CSMD1: variants seen among roughly 807,000 people sequenced by gnomAD.
CSMD1 encodes the protein CUB and sushi domain-containing protein 1.
A neutral mutation model predicts 417.5 loss-of-function variants in CSMD1; 213 were observed. The observed-to-expected ratio is 0.51, with a 90% CI of 0.46 to 0.57. The LOEUF is 0.57. Ranked by LOEUF, CSMD1 falls within the 20% of genes least tolerant of loss-of-function variation. The pLI is 0.00. For missense variants in CSMD1, 6,923 were observed against 4,529.7 expected (o/e 1.53, Z -15.17); for synonymous variants, 2,862 against 1,736.8 (o/e 1.65, Z -16.11).
At chr8:4,912,747 T>G (rs1805779709) in intron 1 of CSMD1, among the ~76,000 whole-genome samples, 1 of 152,136 alleles carries the variant, frequency 6.6e-6, no homozygotes, top group South Asian at 2.1e-4. Flanking sequence ...GTTTGAAATT[T>G]TGGAGGCCAA....
intron 6 of CSMD1, among the ~76,000 whole-genome samples, chr8:3,726,335 T>C (rs1169716604): frequency 1.3e-5 from 2 of 152,168 alleles, no homozygotes; most frequent in East Asian, 1.9e-4. Flanking sequence ...CAATAATAAT[T>C]CCGGTAATTT....
At chr8:3,190,965 G>T (rs1796384295) in intron 33 of CSMD1, among the ~76,000 whole-genome samples, 1 of 152,146 alleles carries the variant, frequency 6.6e-6, no homozygotes, top group African/African-American at 2.4e-5. Context: ...CTGGGGGCTG[G>T]GGAACAGGAA....
chr8:4,747,624 G>C (rs74692337), intron 1 of CSMD1, among the ~76,000 whole-genome samples: 2 of 152,132 alleles, frequency 1.3e-5, no homozygotes, highest in Non-Finnish European at 2.9e-5. Context: ...TCTGGAGTTA[G>C]CATCATTATC....
chr8:3,097,160 C>A, intron 46 of CSMD1, 123 bp from the exon 47 acceptor site: 2 of 663,620 alleles, frequency 3.0e-6, no homozygotes, highest in Non-Finnish European at 4.9e-6. Context: ...GAGCTCTGGC[C>A]AAATTTAATA....
intron 2 of CSMD1, among the ~76,000 whole-genome samples, chr8:4,557,496 T>A (rs1355660827): frequency 6.6e-6 from 1 of 151,944 alleles, no homozygotes; most frequent in Admixed American, 6.6e-5. Context: ...TTTAAATGAC[T>A]GAAGAAATAT....
intron 3 of CSMD1, among the ~76,000 whole-genome samples, chr8:4,413,016 A>T (rs1281682215): frequency 6.6e-6 from 1 of 152,220 alleles, no homozygotes; most frequent in Non-Finnish European, 1.5e-5. Context: ...GACAACTTGA[A>T]GTCTATACAA....
intron 10 of CSMD1, among the ~76,000 whole-genome samples, chr8:3,537,657 CAA>C (rs777575146): frequency 1.1e-4 from 16 of 152,120 alleles, no homozygotes; most frequent in Non-Finnish European, 1.6e-4. Flanking sequence ...TTATTTCAGG[CAA>C]ATTACATATA....
intron 5 of CSMD1, among the ~76,000 whole-genome samples, chr8:3,891,687 C>T (rs984399443): frequency 5.3e-5 from 5 of 93,910 alleles, no homozygotes; most frequent in East Asian, 3.7e-4. Flanking sequence ...TGTCTCAAAA[C>T]GAAAAAAAAA....
chr8:3,045,020 T>C (rs1811341176), intron 50 of CSMD1, among the ~76,000 whole-genome samples: 1 of 151,926 alleles, frequency 6.6e-6, no homozygotes, highest in African/African-American at 2.4e-5. Flanking sequence ...ACAAAAACAA[T>C]CCCCCGAATA....
intron 8 of CSMD1, among the ~76,000 whole-genome samples, chr8:3,613,737 A>ACACACACACACACACC (rs71203455): frequency 9.7e-5 from 14 of 144,366 alleles, no homozygotes; most frequent in Admixed American, 9.0e-4. Context: ...ACACACACAC[A>ACACACACACACACACC]CCTCAAAAAA....
chr8:3,224,303 A>T (rs1475737933), intron 27 of CSMD1, among the ~76,000 whole-genome samples: 2 of 152,220 alleles, frequency 1.3e-5, no homozygotes, highest in Non-Finnish European at 2.9e-5. Flanking sequence ...CAGTTTATAA[A>T]ATCATTGCCT....
At chr8:4,731,159 C>T (rs76054870) in intron 1 of CSMD1, among the ~76,000 whole-genome samples, 2,032 of 152,270 alleles carry the variant, frequency 0.013, 21 homozygotes, top group Non-Finnish European at 0.02. Flanking sequence ...TTTAACTTTC[C>T]GAGCTGTAAC....
At chr8:3,027,343 G>T (rs1233828278) in intron 51 of CSMD1, among the ~76,000 whole-genome samples, 1 of 152,116 alleles carries the variant, frequency 6.6e-6, no homozygotes, top group Non-Finnish European at 1.5e-5. Flanking sequence ...GGAGAACAAT[G>T]TGTTTGGGTA....
intron 3 of CSMD1, among the ~76,000 whole-genome samples, chr8:4,323,456 C>T (rs1340575462): frequency 6.6e-6 from 1 of 150,778 alleles, no homozygotes; most frequent in Non-Finnish European, 1.5e-5. Context: ...TAACCATTCA[C>T]AACAAACCAT....
intron 3 of CSMD1, among the ~76,000 whole-genome samples, chr8:4,069,520 G>A (rs781506864): frequency 3.8e-4 from 58 of 152,106 alleles, no homozygotes; most frequent in Admixed American, 1.3e-3. Context: ...GCTAATGATC[G>A]ATGATTTGTT....
At chr8:3,937,513 G>C (rs189508959) in intron 5 of CSMD1, among the ~76,000 whole-genome samples, 1 of 152,240 alleles carries the variant, frequency 6.6e-6, no homozygotes, top group East Asian at 1.9e-4. Flanking sequence ...TGAAGGTTTA[G>C]ATGATTGTAC....
chr8:3,504,512 C>A (rs79255317), intron 10 of CSMD1, among the ~76,000 whole-genome samples: 2 of 152,238 alleles, frequency 1.3e-5, no homozygotes, highest in East Asian at 3.9e-4. Flanking sequence ...CATGGCAACC[C>A]TTCATAAAAA....
chr8:3,208,918 G>A (rs902241133), intron 30 of CSMD1, among the ~76,000 whole-genome samples: 1 of 152,032 alleles, frequency 6.6e-6, no homozygotes, highest in African/African-American at 2.4e-5. Context: ...GCATATTGTG[G>A]GAATTTGTGA....
intron 25 of CSMD1, among the ~76,000 whole-genome samples, chr8:3,306,920 T>A (rs1036769983): frequency 5.9e-5 from 9 of 152,206 alleles, no homozygotes; most frequent in Non-Finnish European, 4.4e-5. Context: ...ACTATTGGAA[T>A]AGAACACTTT....
Sources: allele counts gnomAD v4.1 joint callset (sites outside exome capture counted in the v4.1 genomes callset), GRCh38; gene constraint gnomAD v4.1.1; transcripts MANE v1.5; gene names NCBI Gene and HGNC (gene_info 2026-07-23, HGNC 2026-07-21).